ABL2: variants seen among roughly 807,000 people sequenced by gnomAD.
ABL2 encodes the protein ABL proto-oncogene 2, non-receptor tyrosine kinase.
ABL2 carries 49 observed loss-of-function variants against 107.7 expected under a neutral mutation model. That is an observed-to-expected ratio of 0.45 (90% CI 0.36 to 0.58). The LOEUF (loss-of-function observed/expected upper bound fraction) is 0.58, where lower values mean the gene tolerates loss of function less well. ABL2 is among the 20% of genes least tolerant of loss of function. The pLI is 0.00. For missense variants in ABL2, 1,245 were observed against 1,457.0 expected (o/e 0.85, Z 2.37); for synonymous variants, 549 against 548.6 (o/e 1.00, Z -0.01).
At chr1:179,159,100 C>T (rs1658885190) in intron 1 of ABL2, among the ~76,000 whole-genome samples, 1 of 152,230 alleles carries the variant, frequency 6.6e-6, no homozygotes, top group African/African-American at 2.4e-5. Context: ...AATTCTACCA[C>T]TTACTACATC....
At chr1:179,174,920 A>AAAATAAT (rs1659958398) in intron 1 of ABL2, among the ~76,000 whole-genome samples, 5 of 122,866 alleles carry the variant, frequency 4.1e-5, no homozygotes, top group Non-Finnish European at 6.6e-5. Flanking sequence ...AAAATAAAAA[A>AAAATAAT]AATAATAATA....
At chr1:179,151,265 A>T (rs1658347402) in intron 1 of ABL2, among the ~76,000 whole-genome samples, 1 of 152,186 alleles carries the variant, frequency 6.6e-6, no homozygotes, top group Admixed American at 6.5e-5. Flanking sequence ...TTTAATCAGA[A>T]CTATGCTTAT....
chr1:179,188,736 A>G (rs185312926), intron 1 of ABL2, among the ~76,000 whole-genome samples: 1 of 152,312 alleles, frequency 6.6e-6, no homozygotes, highest in Non-Finnish European at 1.5e-5. Flanking sequence ...AGTGCCAAGA[A>G]ACTACCTGGT....
intron 1 of ABL2, among the ~76,000 whole-genome samples, chr1:179,176,777 C>A (rs1255734583): frequency 7.4e-6 from 1 of 135,756 alleles, no homozygotes; most frequent in East Asian, 2.3e-4. Context: ...CTCACTGCAA[C>A]CTCCGCTTCA....
At chr1:179,212,906 C>T (rs557800032) in intron 1 of ABL2, among the ~76,000 whole-genome samples, 27 of 151,258 alleles carry the variant, frequency 1.8e-4, no homozygotes, top group African/African-American at 6.5e-4. Flanking sequence ...ATTAGCCAGG[C>T]GTGGTGGCAC....
intron 11 of ABL2, among the ~76,000 whole-genome samples, chr1:179,110,054 AT>A (rs1653892203): frequency 6.6e-6 from 1 of 152,152 alleles, no homozygotes; most frequent in South Asian, 2.1e-4. Context: ...GAAGTTTTTG[AT>A]GGAACTGTAA....
rs138240636 is a variant in ABL2, at chr1:179,109,269, G to A, written c.1998C>T (p.Pro666=). 32 of 1,613,940 alleles carry A rather than the reference G, an allele frequency of 2.0e-5. No homozygotes were observed. The African/African-American group carries it at 4.1e-4, about 21-fold the overall frequency. The change falls in exon 12 of 12, where the codon CCC becomes CCT. Residue 666 remains proline (P), a synonymous_variant. Coordinates refer to ENST00000502732, the MANE Select transcript of ABL2 (RefSeq NM_007314.4). ...FMKKRNAPTP[P]KRSSSFREME... is the part of the protein sequence containing the mutation. ...TTTCTCGGAAGGAGCTGCTGCGTTT[G>A]GGGGGTGTAGGAGCATTTCTCTTCT...
intron 1 of ABL2, among the ~76,000 whole-genome samples, chr1:179,203,151 T>C (rs1464155767): frequency 6.6e-6 from 1 of 152,204 alleles, no homozygotes; most frequent in Non-Finnish European, 1.5e-5. Context: ...GAACAAATCA[T>C]TTTTTTCATT....
intron 1 of ABL2, among the ~76,000 whole-genome samples, chr1:179,218,739 G>C (rs1662718695): frequency 6.6e-6 from 1 of 152,170 alleles, no homozygotes; most frequent in Non-Finnish European, 1.5e-5. Flanking sequence ...GATTCTCAAA[G>C]CATGGTCCCC....
intron 1 of ABL2, chr1:179,184,400 A>C: frequency 1.1e-6 from 1 of 943,680 alleles, no homozygotes. Flanking sequence ...CACAGAATAA[A>C]GCCAGCAGGA....
intron 1 of ABL2, among the ~76,000 whole-genome samples, chr1:179,206,288 A>G (rs1473042307): frequency 6.6e-6 from 1 of 152,232 alleles, no homozygotes; most frequent in African/African-American, 2.4e-5. Context: ...AAAAAGGTGG[A>G]TAAAAGCTTA....
chr1:179,211,069 A>T (rs541845434), intron 1 of ABL2, among the ~76,000 whole-genome samples: 136 of 152,266 alleles, frequency 8.9e-4, no homozygotes, highest in African/African-American at 3.2e-3. Context: ...TAATAATTTC[A>T]GGAAACAGAA....
intron 1 of ABL2, among the ~76,000 whole-genome samples, chr1:179,167,239 AT>A (rs1571234978): frequency 1.3e-5 from 2 of 152,356 alleles, no homozygotes; most frequent in African/African-American, 2.4e-5. Context: ...TAAAAAAAGA[AT>A]GAAATCATGT....
chr1:179,127,157 C>A (rs2102648432), intron 3 of ABL2, among the ~76,000 whole-genome samples: 1 of 151,890 alleles, frequency 6.6e-6, no homozygotes, highest in East Asian at 1.9e-4. Context: ...GGCACCAAGG[C>A]AACAAAACCA....
intron 1 of ABL2, among the ~76,000 whole-genome samples, chr1:179,163,114 T>G (rs544232541): frequency 8.5e-5 from 13 of 152,188 alleles, no homozygotes; most frequent in African/African-American, 3.1e-4. Context: ...GTTATACAAA[T>G]AGCAAATAAG....
chr1:179,210,500 T>TAA (rs1662204510), intron 1 of ABL2, among the ~76,000 whole-genome samples: 1 of 40,308 alleles, frequency 2.5e-5, no homozygotes, highest in Admixed American at 3.9e-4. Flanking sequence ...AGACTCTAAC[T>TAA]CACAAAAAAA....
intron 1 of ABL2, among the ~76,000 whole-genome samples, chr1:179,151,579 T>C (rs1658365294): frequency 6.6e-6 from 1 of 152,186 alleles, no homozygotes; most frequent in Non-Finnish European, 1.5e-5. Flanking sequence ...AAAAAAGGAT[T>C]AACTCATTTT....
Position 179,104,745 on chromosome 1 carries a change from A to G in ABL2, c.*2973T>C, listed in dbSNP as rs1444508217. ...TAAACTGAAGTAATATTATCTGTAC[A>G]TGAAAGGAATCAAGCAGTGGCAGCC... On this transcript the variant is annotated 3_prime_UTR_variant, in exon 12 of 12. Coordinates refer to ENST00000502732, the MANE Select transcript of ABL2 (RefSeq NM_007314.4). The G allele has an allele frequency of 1.8e-5, 4 of 216,788 alleles. No homozygotes were observed. Among genetic ancestry groups the G allele is most frequent in the Non-Finnish European group, 3.7e-5 (4 of 107,690 alleles). 13.4% of individuals were successfully genotyped at this position (216,788 alleles called of 1,614,324 possible).
At chr1:179,204,101 A>G (rs530977755) in intron 1 of ABL2, among the ~76,000 whole-genome samples, 1 of 152,214 alleles carries the variant, frequency 6.6e-6, no homozygotes, top group South Asian at 2.1e-4. Flanking sequence ...ATCTCAGCTC[A>G]CTGCAACCTC....
Sources: gnomAD v4.1 joint callset for allele counts (sites outside exome capture counted in the v4.1 genomes callset) on GRCh38, gnomAD v4.1.1 for gene constraint, MANE v1.5 for transcripts, NCBI Gene and HGNC (gene_info 2026-07-23, HGNC 2026-07-21) for gene names.